Variants in ANKRD26 observed in about 807,000 individuals in gnomAD.
ANKRD26 encodes the protein ankyrin repeat domain-containing protein 26.
ANKRD26 carries 141 observed loss-of-function variants against 208.7 expected under a neutral mutation model. The observed-to-expected ratio is 0.68, with a 90% CI of 0.59 to 0.78. The LOEUF (loss-of-function observed/expected upper bound fraction) is 0.78, where lower values mean the gene tolerates loss of function less well. ANKRD26 is among the 30% of genes least tolerant of loss of function. The pLI is 0.00. For synonymous variants in ANKRD26, 636 were observed against 660.4 expected (o/e 0.96, Z 0.57); for missense variants, 1,889 against 1,938.7 (o/e 0.97, Z 0.48).
chr10:26,975,528 T>C (rs1168645941), exon 6 of ANKRD26, among the ~76,000 whole-genome samples: 1 of 148,814 alleles, frequency 6.7e-6, no homozygotes, highest in Non-Finnish European at 1.5e-5. Flanking sequence ...TGCCCTGCCC[T>C]CTGCACACAG....
At position 27,037,352 on chromosome 10, in the gene ANKRD26, T is replaced by C. The variant is rs1481996850; in HGVS notation, c.2560-29A>G. 2.5e-6 allele frequency: 4 copies of C among 1,612,516 alleles called. No homozygotes were observed. In the Admixed American group the frequency reaches 6.7e-5, roughly 27 times the overall value. On this transcript the variant is annotated intron_variant, in intron 22 of 33. Transcript: ENST00000376087. ...GAGATACATTAAGTTTTAGGTCTAT[T>C]AGCATTTTGTAAAAGTCTAAAAGGT...
At chr10:27,067,103 C>T in intron 10 of ANKRD26, 54 bp downstream of exon 10, 1 of 1,589,258 alleles carries the variant, frequency 6.3e-7, no homozygotes, top group Admixed American at 1.7e-5. Context: ...CACATCTGGA[C>T]CCCAGAATAG....
chr10:26,955,377 G>A, the ANKRD26 span, among the ~76,000 whole-genome samples: 15 of 151,520 alleles, frequency 9.9e-5, no homozygotes, highest in African/African-American at 2.9e-4. Context: ...GCAGTGAGCC[G>A]AGATCGCACC....
downstream of ANKRD26, among the ~76,000 whole-genome samples, chr10:27,001,666 C>T (rs917987612): frequency 6.6e-6 from 1 of 152,176 alleles, no homozygotes; most frequent in African/African-American, 2.4e-5. Flanking sequence ...TGGCCAGTGC[C>T]ATGTTGCCTG....
intron 9 of ANKRD26, among the ~76,000 whole-genome samples, chr10:27,071,294 G>T (rs1456957462): frequency 5.3e-4 from 80 of 149,774 alleles, no homozygotes; most frequent in African/African-American, 1.8e-3. Flanking sequence ...GCCTCCCGAG[G>T]AGCTGGGACT....
chr10:27,067,374 C>T (rs1046808950), intron 9 of ANKRD26, 88 bp from the exon 10 acceptor site: 1 of 1,447,020 alleles, frequency 6.9e-7, no homozygotes, highest in Admixed American at 2.0e-5. Context: ...TTAGTCCGTA[C>T]TTGCACTACC....
rs1217357402 is a variant in ANKRD26, at chr10:27,043,501, C to T, written c.2086G>A (p.Glu696Lys). The change falls in exon 20 of 34, where the codon GAG becomes AAG. Residue 696 changes from glutamate to lysine, a missense_variant. Coordinates refer to ENST00000376087, the MANE Select transcript of ANKRD26 (RefSeq NM_014915.3). ...DLTQSSETAS[E>K]DCELPHSSYK... ...CTAGAGTGGGGTAGCTCACAATCCTCTGAGGCTGTTTCAGATGACTGAGTT... is the reference window on the plus strand; with the variant it reads ...CTAGAGTGGGGTAGCTCACAATCCTTTGAGGCTGTTTCAGATGACTGAGTT... The T allele has an allele frequency of 6.2e-7, 1 of 1,613,878 alleles. No individual in the cohort carries two copies. Among genetic ancestry groups the T allele is most frequent in the East Asian group, 2.2e-5 (1 of 44,866 alleles).
chr10:26,975,388 C>T (rs745722149), exon 6 of ANKRD26, among the ~76,000 whole-genome samples: 1 of 84,604 alleles, frequency 1.2e-5, no homozygotes, highest in African/African-American at 4.6e-5. Flanking sequence ...GCCACCTCGC[C>T]CAGCTAATTT....
At chr10:27,061,381 T>C (rs957145310) in intron 12 of ANKRD26, 139 bp from the exon 13 acceptor site, 11 of 558,900 alleles carry the variant, frequency 2.0e-5, no homozygotes, top group Non-Finnish European at 3.1e-5. Context: ...GCAGTGTTTA[T>C]TTAAAATAAC....
At position 27,067,066 on chromosome 10, in the gene ANKRD26, C is replaced by T. The variant is rs575185151; in HGVS notation, c.1207+91G>A. On this transcript the variant is annotated intron_variant, in intron 10 of 33. Transcript: ENST00000376087. ...AGGTGATCCACCTGCCTCAGCCTCC[C>T]AAAGTGCTGGGATCACAGGTGTGAG... is the stretch of plus-strand genomic sequence containing the variant. 419 of 1,480,946 alleles carry T rather than the reference C, an allele frequency of 2.8e-4. 3 individuals are homozygous for T. The South Asian group carries it at 4.6e-3, about 16-fold the overall frequency. 91.7% of individuals were successfully genotyped at this position (1,480,946 alleles called of 1,614,324 possible). A position where few individuals can be genotyped will look rare whatever the true frequency, so the allele number is the denominator to read the frequency against.
intron 4 of ANKRD26, among the ~76,000 whole-genome samples, chr10:26,995,644 A>G (rs756982300): frequency 2.0e-5 from 3 of 152,182 alleles, no homozygotes; most frequent in Non-Finnish European, 4.4e-5. Flanking sequence ...GGTCATGGGG[A>G]AAGTTAAACT....
intron 4 of ANKRD26, among the ~76,000 whole-genome samples, chr10:26,995,397 TCTAA>T (rs1459955197): frequency 6.6e-6 from 1 of 152,138 alleles, no homozygotes; most frequent in African/African-American, 2.4e-5. Context: ...AGCTACAGGG[TCTAA>T]CTGTTGCCAT....
intron 18 of ANKRD26, among the ~76,000 whole-genome samples, chr10:27,045,671 T>C (rs950661773): frequency 6.6e-6 from 1 of 152,320 alleles, no homozygotes. Context: ...ATGATGCTAC[T>C]GTCAAAAGTA....
At chr10:26,985,874 A>G (rs986079078) in intron 3 of ANKRD26, among the ~76,000 whole-genome samples, 1 of 152,204 alleles carries the variant, frequency 6.6e-6, no homozygotes, top group Admixed American at 6.5e-5. Context: ...TATAGATTCA[A>G]TGCCATCCCC....
intron 4 of ANKRD26, 61 bp downstream of exon 4, chr10:27,092,345 G>A (rs759213386): frequency 1.6e-6 from 2 of 1,280,338 alleles, no homozygotes; most frequent in Non-Finnish European, 2.2e-6. Context: ...GCAAAACACA[G>A]ATCTAAAAAA....
chr10:27,072,441 G>C (rs1474246566), intron 9 of ANKRD26, among the ~76,000 whole-genome samples: 2 of 152,186 alleles, frequency 1.3e-5, no homozygotes, highest in Non-Finnish European at 2.9e-5. Flanking sequence ...CCACATGTGG[G>C]GAGCCAGAGT....
chr10:27,069,989 T>G (rs1007115716), intron 9 of ANKRD26, among the ~76,000 whole-genome samples: 1 of 151,116 alleles, frequency 6.6e-6, no homozygotes, highest in East Asian at 1.9e-4. Flanking sequence ...TGGTGGTGCA[T>G]GCCCATGGTC....
At chr10:27,039,315 A>G (rs1487167851) in intron 21 of ANKRD26, among the ~76,000 whole-genome samples, 1 of 152,082 alleles carries the variant, frequency 6.6e-6, no homozygotes, top group African/African-American at 2.4e-5. Context: ...TTAGCTGGGC[A>G]TGGTGGCGTG....
chr10:27,042,475 A>C (rs1225432694), intron 20 of ANKRD26, among the ~76,000 whole-genome samples: 3 of 151,754 alleles, frequency 2.0e-5, no homozygotes, highest in South Asian at 4.2e-4. Flanking sequence ...AAAAGCTGGC[A>C]GGGCGTGGTG....
Sources: gnomAD v4.1 joint callset for allele counts (sites outside exome capture counted in the v4.1 genomes callset) on GRCh38, gnomAD v4.1.1 for gene constraint, MANE v1.5 for transcripts, NCBI Gene and HGNC (gene_info 2026-07-23, HGNC 2026-07-21) for gene names.